DCUN1D4: variants seen among roughly 807,000 people sequenced by gnomAD.
DCUN1D4 encodes the protein defective in cullin neddylation 1 domain containing 4.
A neutral mutation model predicts 47.9 loss-of-function variants in DCUN1D4; 22 were observed. The observed-to-expected ratio is 0.46, with a 90% CI of 0.33 to 0.66. The LOEUF (loss-of-function observed/expected upper bound fraction) is 0.66. Ranked by LOEUF, DCUN1D4 falls within the 30% of genes least tolerant of loss-of-function variation. The pLI is 0.02. For synonymous variants in DCUN1D4, 121 were observed against 112.2 expected, an observed-to-expected ratio of 1.08 and a Z score of -0.50; for missense variants, 301 against 340.8, an observed-to-expected ratio of 0.88 and a Z score of 0.92.
At chr4:51,885,618 G>C (rs1389158134) in intron 5 of DCUN1D4, among the ~76,000 whole-genome samples, 3 of 152,154 alleles carry the variant, frequency 2.0e-5, no homozygotes, top group Non-Finnish European at 4.4e-5. Flanking sequence ...AAAAGTAAGG[G>C]GAAAGTGTGG....
At chr4:51,844,376 T>C (rs1195816819) in intron 1 of DCUN1D4, 1 of 982,162 alleles carries the variant, frequency 1.0e-6, no homozygotes, top group African/African-American at 1.8e-5. Context: ...TGGCCGTGGT[T>C]CCCCCCGGAC....
At chr4:51,899,461 C>G in intron 8 of DCUN1D4, 83 bp downstream of exon 8, 1 of 1,488,000 alleles carries the variant, frequency 6.7e-7, no homozygotes, top group Non-Finnish European at 8.9e-7. Context: ...TTTTTACATG[C>G]CACAGCAAAA....
chr4:51,890,958 C>T (rs528300898), intron 6 of DCUN1D4, among the ~76,000 whole-genome samples: 1 of 152,358 alleles, frequency 6.6e-6, no homozygotes, highest in Admixed American at 6.5e-5. Context: ...CACAAAAGCA[C>T]AGGTGGCACC....
In DCUN1D4 at chr4:51,915,134, G is replaced by C. The variant is rs1734207443; in HGVS notation, c.*1550G>C. ...ATTAAGTGAATAAAGCACACAGACA[G>C]TGCTACTCTTGACCACTATTTTACC... On this transcript the variant is annotated 3_prime_UTR_variant, in exon 11 of 11. Coordinates refer to ENST00000334635, the MANE Select transcript of DCUN1D4 (RefSeq NM_001040402.3). The C allele has an allele frequency of 6.6e-6, 1 of 152,548 alleles. No individual in the cohort carries two copies. Among genetic ancestry groups the C allele is most frequent in the East Asian group, 1.9e-4 (1 of 5,190 alleles). 9.4% of individuals were successfully genotyped at this position (152,548 alleles called of 1,614,324 possible). A position where few individuals can be genotyped will look rare whatever the true frequency, so the allele number is the denominator to read the frequency against.
At chr4:51,843,090 C>T (rs1721848709), upstream of DCUN1D4, 13 of 1,418,194 alleles carry the variant, frequency 9.2e-6, no homozygotes, top group Non-Finnish European at 1.2e-5. Flanking sequence ...GGCCCCTGAG[C>T]CGCGGTTTAG....
intron 1 of DCUN1D4, among the ~76,000 whole-genome samples, chr4:51,846,472 G>A (rs1049044403): frequency 2.6e-5 from 4 of 151,998 alleles, no homozygotes; most frequent in Admixed American, 1.3e-4. Context: ...CTTTATCATT[G>A]TCTCCTTTTC....
At chr4:51,896,415 G>A (rs533159916) in intron 7 of DCUN1D4, among the ~76,000 whole-genome samples, 3 of 151,982 alleles carry the variant, frequency 2.0e-5, no homozygotes, top group Admixed American at 6.6e-5. Context: ...ACAAACAACC[G>A]CTCTTCTTCT....
upstream of DCUN1D4, among the ~76,000 whole-genome samples, chr4:51,839,129 G>A (rs1298450229): frequency 6.8e-6 from 1 of 147,056 alleles, no homozygotes; most frequent in Non-Finnish European, 1.5e-5. Flanking sequence ...GAGAGAAGGA[G>A]GGAATGAGGG....
At chr4:51,882,785 T>C (rs2110022253) in intron 5 of DCUN1D4, among the ~76,000 whole-genome samples, 1 of 151,606 alleles carries the variant, frequency 6.6e-6, no homozygotes, top group East Asian at 1.9e-4. Context: ...AATAAATAAA[T>C]AAAAGAATAA....
At chr4:51,853,593 G>C (rs1261460239) in intron 1 of DCUN1D4, among the ~76,000 whole-genome samples, 2 of 152,188 alleles carry the variant, frequency 1.3e-5, no homozygotes, top group African/African-American at 4.8e-5. Flanking sequence ...GAGAGTCAGG[G>C]ATAGAATCTA....
At chr4:51,844,228 A>T in intron 1 of DCUN1D4, 1 of 713,430 alleles carries the variant, frequency 1.4e-6, no homozygotes, top group Non-Finnish European at 1.7e-6. Flanking sequence ...GGGGTGTCAG[A>T]CTGTGCTTAG....
chr4:51,874,671 T>C, intron 4 of DCUN1D4: 2 of 274,336 alleles, frequency 7.3e-6, no homozygotes, highest in Non-Finnish European at 1.4e-5. Context: ...AAAGCCTTGC[T>C]GTCTGTGCCT....
intron 8 of DCUN1D4, 62 bp from the exon 9 acceptor site, chr4:51,911,008 C>A: frequency 6.8e-7 from 1 of 1,479,084 alleles, no homozygotes; most frequent in Non-Finnish European, 9.5e-7. Context: ...TACACATTTG[C>A]AATTATTGGA....
rs1313298293 is a variant in DCUN1D4 at position 51,911,065 on chromosome 4, A to G, written c.616-5A>G. The G allele has an allele frequency of 6.2e-7, 1 of 1,613,588 alleles. No individual in the cohort carries two copies. Among genetic ancestry groups the G allele is most frequent in the Non-Finnish European group, 8.5e-7 (1 of 1,179,686 alleles). On this transcript the variant is annotated splice_polypyrimidine_tract_variant and splice_region_variant and intron_variant, in intron 8 of 10. Transcript: ENST00000334635. ...GGCTCATCCTTGTTTTTGTTTGTTA[A>G]ACAGGAAAAGGACCAGCGCAGCCTA...
intron 6 of DCUN1D4, among the ~76,000 whole-genome samples, chr4:51,889,390 A>G (rs1730068341): frequency 6.6e-6 from 1 of 152,252 alleles, no homozygotes; most frequent in Non-Finnish European, 1.5e-5. Context: ...TTTACAGCTT[A>G]TGAAATTAAG....
At position 51,914,823 on chromosome 4, in the gene DCUN1D4, C is replaced by CTTTTTT. The variant is rs71193045; in HGVS notation, c.*1253_*1258dup. The CTTTTTT allele has an allele frequency of 3.4e-5, 4 of 117,666 alleles. No homozygotes were observed. The highest frequency in any genetic ancestry group is 2.6e-4 in the East Asian group (1 of 3,916). 7.3% of individuals were successfully genotyped at this position (117,666 alleles called of 1,614,324 possible). ...GTATTTTTAGGTTTGTATTTTATGT[C>CTTTTTT]TTTTTTTTTTTTTTTTTTTGCCATT... On this transcript the variant is annotated 3_prime_UTR_variant, in exon 11 of 11. Transcript: ENST00000334635.
At chr4:51,859,287 T>G (rs1724637985) in intron 1 of DCUN1D4, among the ~76,000 whole-genome samples, 1 of 152,058 alleles carries the variant, frequency 6.6e-6, no homozygotes, top group South Asian at 2.1e-4. Context: ...CATATTGGAG[T>G]TTATTCCTAT....
At chr4:51,839,439 A>C (rs1721576824), upstream of DCUN1D4, among the ~76,000 whole-genome samples, 1 of 152,182 alleles carries the variant, frequency 6.6e-6, no homozygotes, top group African/African-American at 2.4e-5. Flanking sequence ...GAAGTTAAGT[A>C]GATTAGTTTA....
chr4:51,854,793 C>T (rs577616997), intron 1 of DCUN1D4, among the ~76,000 whole-genome samples: 10 of 152,324 alleles, frequency 6.6e-5, no homozygotes, highest in Non-Finnish European at 1.2e-4. Flanking sequence ...TAGGTTTGTG[C>T]TGTTGTAGGT....
Sources: allele counts gnomAD v4.1 joint callset (sites outside exome capture counted in the v4.1 genomes callset), GRCh38; gene constraint gnomAD v4.1.1; transcripts MANE v1.5; gene names NCBI Gene and HGNC (gene_info 2026-07-23, HGNC 2026-07-21).